The following GRIA3 variants were observed in gnomAD, a reference collection of about 807,000 sequenced individuals.
GRIA3 encodes glutamate ionotropic receptor AMPA type subunit 3.
In GRIA3, 3 loss-of-function variants were observed where a neutral mutation model predicts 63.0. The ratio of observed to expected loss-of-function variants is 0.05; its 90% CI spans 0.02 to 0.12. The LOEUF (loss-of-function observed/expected upper bound fraction) is 0.12. GRIA3 is among the 10% of genes least tolerant of loss of function. The pLI is 1.00. For synonymous variants in GRIA3, 274 were observed against 257.9 expected, an observed-to-expected ratio of 1.06 and a Z score of -0.60; for missense variants, 347 against 700.9, an observed-to-expected ratio of 0.50 and a Z score of 5.70.
intron 5 of GRIA3, among the ~76,000 whole-genome samples, chrX:123,372,330 T>C (rs2045252356): frequency 8.9e-6 from 1 of 112,085 alleles, no homozygotes; most frequent in Admixed American, 9.5e-5. Context: ...CTGTTCTTCT[T>C]TCTCAGGATA....
chrX:123,417,868 G>T, intron 11 of GRIA3, 90 bp downstream of exon 11: 1 of 840,009 alleles, frequency 1.2e-6, no homozygotes. Context: ...CTCAACTCCA[G>T]ATTTTTTTCA....
intron 15 of GRIA3, among the ~76,000 whole-genome samples, chrX:123,486,424 A>C (rs778055101): frequency 8.9e-6 from 1 of 112,010 alleles, no homozygotes; most frequent in African/African-American, 3.2e-5. Context: ...GTGTGGTTAT[A>C]GCCCAATTAC....
At chrX:123,308,498 CT>C (rs1315870822) in intron 3 of GRIA3, among the ~76,000 whole-genome samples, 1 of 111,922 alleles carries the variant, frequency 8.9e-6, no homozygotes, top group Non-Finnish European at 1.9e-5. Flanking sequence ...CCCGACTTGG[CT>C]GCTTGAAATA....
At chrX:123,382,161 A>T (rs1428221626) in intron 5 of GRIA3, among the ~76,000 whole-genome samples, 4 of 111,909 alleles carry the variant, frequency 3.6e-5, no homozygotes, top group Non-Finnish European at 5.6e-5. Context: ...CTTTCCTTTC[A>T]TCTCCCTAAA....
chrX:123,250,572 A>G (rs1422609998), intron 2 of GRIA3, among the ~76,000 whole-genome samples: 1 of 111,381 alleles, frequency 9.0e-6, no homozygotes, highest in African/African-American at 3.3e-5. Flanking sequence ...CCATGAGACT[A>G]TTTTTGTATA....
intron 2 of GRIA3, among the ~76,000 whole-genome samples, chrX:123,251,810 G>A (rs1416739111): frequency 5.4e-5 from 6 of 111,759 alleles, no homozygotes; most frequent in African/African-American, 2.0e-4. Context: ...GAAGACTATT[G>A]TCTCCTATGA....
chrX:123,281,267 T>C (rs936450359), intron 3 of GRIA3, among the ~76,000 whole-genome samples: 20 of 111,626 alleles, frequency 1.8e-4, no homozygotes, highest in Admixed American at 1.7e-3. Context: ...TTTTGCATAA[T>C]ATGATCTTGG....
chrX:123,309,646 T>G (rs2044777539), intron 3 of GRIA3, among the ~76,000 whole-genome samples: 1 of 111,863 alleles, frequency 8.9e-6, no homozygotes, highest in Non-Finnish European at 1.9e-5. Context: ...TATACATGTT[T>G]TATGGCCTAA....
chrX:123,259,510 C>CGT (rs1483744518), intron 3 of GRIA3, among the ~76,000 whole-genome samples: 6 of 107,955 alleles, frequency 5.6e-5, no homozygotes, highest in East Asian at 5.8e-4. Context: ...CACTCATGCG[C>CGT]GCGCACACAC....
At chrX:123,212,293 A>C (rs1349328516) in intron 2 of GRIA3, among the ~76,000 whole-genome samples, 1 of 111,936 alleles carries the variant, frequency 8.9e-6, no homozygotes, top group Admixed American at 9.5e-5. Context: ...TAAAAAAAAA[A>C]TCTTACCTTG....
chrX:123,394,648 G>A (rs181310825), intron 5 of GRIA3, among the ~76,000 whole-genome samples: 87 of 112,142 alleles, frequency 7.8e-4, no homozygotes, highest in East Asian at 1.1e-3. Flanking sequence ...GTATTTGTAC[G>A]CAATGAAGAA....
At position 123,395,117 on chromosome X, in the gene GRIA3, T is replaced by C; in HGVS notation, c.900T>C (p.Asn300=). ...LDEREFPEAK[N]APLKYTSALT... is the part of the protein sequence containing the mutation. ...AAAGGGAATTCCCTGAAGCCAAGAA[T>C]GCACCACTAAAGGTAATGTTCCATG... The change falls in exon 6 of 16, where the codon AAT becomes AAC. Residue 300 remains asparagine, a synonymous_variant. Transcript: ENST00000620443. 2 of 1,207,554 alleles carry C rather than the reference T, an allele frequency of 1.7e-6. No homozygotes were observed. Among genetic ancestry groups the C allele is most frequent in the Non-Finnish European group, 2.2e-6 (2 of 891,675 alleles).
At chrX:123,399,471 G>A (rs1443186457) in intron 7 of GRIA3, among the ~76,000 whole-genome samples, 1 of 112,139 alleles carries the variant, frequency 8.9e-6, no homozygotes, top group Admixed American at 9.5e-5. Flanking sequence ...TGCTGGGTAG[G>A]AGATCATTTA....
At chrX:123,447,331 T>C (rs1297818807) in intron 12 of GRIA3, among the ~76,000 whole-genome samples, 2 of 111,979 alleles carry the variant, frequency 1.8e-5, no homozygotes, top group Admixed American at 9.5e-5. Flanking sequence ...TACATGAGAT[T>C]TGGAAATGCA....
At chrX:123,187,135 G>C (rs1219342301) in intron 2 of GRIA3, among the ~76,000 whole-genome samples, 2 of 111,844 alleles carry the variant, frequency 1.8e-5, no homozygotes, top group Non-Finnish European at 3.8e-5. Flanking sequence ...TGATATTTAT[G>C]TTTGGATGGG....
chrX:123,253,942 T>G (rs1479486957), intron 3 of GRIA3, among the ~76,000 whole-genome samples: 1 of 111,709 alleles, frequency 9.0e-6, no homozygotes, highest in East Asian at 2.8e-4. Context: ...ATTTCATAGA[T>G]GAGATAGCTA....
Position 123,489,586 on chromosome X carries a change from C to G in GRIA3, c.*876C>G, listed in dbSNP as rs1482709770. The G allele has an allele frequency of 3.6e-5, 4 of 112,177 alleles. No homozygotes were observed. In the East Asian group the frequency reaches 1.1e-3, roughly 31 times the overall value. 9.2% of individuals were successfully genotyped at this position (112,177 alleles called of 1,213,427 possible). The stretch of plus-strand genomic sequence containing the variant: ...AATTTCAGCTCACAGATCTGTTTTT[C>G]TTGCTTCAGTGTGCATTTTAAGTCA... On this transcript the variant is annotated 3_prime_UTR_variant, in exon 16 of 16. Transcript: ENST00000620443.
At chrX:123,243,934 G>T (rs1172981015) in intron 2 of GRIA3, among the ~76,000 whole-genome samples, 1 of 112,269 alleles carries the variant, frequency 8.9e-6, no homozygotes, top group Admixed American at 9.4e-5. Flanking sequence ...CACCTTTCCC[G>T]TCATCTCTGA....
Position 123,231,006 on chromosome X carries a change from A to G in GRIA3, c.269-22297A>G, listed in dbSNP as rs777155550. Among the ~76,000 whole-genome samples, 3 of 112,438 alleles carry G rather than the reference A, an allele frequency of 2.7e-5. No homozygotes were observed. The South Asian group carries it at 1.1e-3, about 42-fold the overall frequency. On this transcript the variant is annotated intron_variant, in intron 2 of 15. Coordinates refer to ENST00000620443, the MANE Select transcript of GRIA3 (RefSeq NM_007325.5). Reference sequence around the variant, plus strand: ...TAAAGGTAAAAGCTAAACAAAGAACAAGTGATAAGAGAAGTGAATTCTGCA... The same window carrying G: ...TAAAGGTAAAAGCTAAACAAAGAACGAGTGATAAGAGAAGTGAATTCTGCA...
Sources: allele counts gnomAD v4.1 joint callset (sites outside exome capture counted in the v4.1 genomes callset), GRCh38; gene constraint gnomAD v4.1.1; transcripts MANE v1.5; gene names NCBI Gene and HGNC (gene_info 2026-07-23, HGNC 2026-07-21).